FAT4: variants seen among roughly 807,000 people sequenced by gnomAD.
FAT4 encodes the protein FAT atypical cadherin 4.
FAT4 carries 84 observed loss-of-function variants against 303.9 expected under a neutral mutation model. The ratio of observed to expected loss-of-function variants is 0.28; its 90% CI spans 0.23 to 0.33. FAT4 has a LOEUF of 0.33. FAT4 is among the 10% of genes least tolerant of loss of function. The pLI is 1.00. For missense variants in FAT4, 6,005 were observed against 6,146.8 expected (o/e 0.98, Z 0.77); for synonymous variants, 2,307 against 2,298.8 (o/e 1.00, Z -0.10).
chr4:125,316,076 C>A lies in FAT4; in HGVS notation c.-13+99C>A, dbSNP rs1299537613. 6.6e-6 allele frequency among the ~76,000 whole-genome samples: 1 copy of A among 152,142 alleles called. No homozygotes were observed. The highest frequency in any genetic ancestry group is 1.5e-5 in the Non-Finnish European group (1 of 68,026). On this transcript the variant is annotated intron_variant, in intron 1 of 17. Coordinates refer to ENST00000394329, the MANE Select transcript of FAT4 (RefSeq NM_001291303.3). This position sits in a 1 kb window ranked among gnomAD's most constrained non-coding sequence, Gnocchi z 5.7. ...CAACTCTCATCCACCCGGGTGAAAA[C>A]GCTCAGACTATCTGGATTCAAAAAC...
chr4:125,405,439 G>T (rs572496621), intron 3 of FAT4, among the ~76,000 whole-genome samples: 11 of 151,780 alleles, frequency 7.2e-5, no homozygotes, highest in African/African-American at 2.4e-4. Flanking sequence ...CAGGTGTGAG[G>T]TGATTTCTCA....
intron 11 of FAT4, among the ~76,000 whole-genome samples, chr4:125,466,912 C>A (rs1726682965): frequency 6.6e-6 from 1 of 151,796 alleles, no homozygotes; most frequent in South Asian, 2.1e-4. Flanking sequence ...GTAGCTGTGA[C>A]TGCAGGTGCC....
intron 8 of FAT4, among the ~76,000 whole-genome samples, chr4:125,442,965 A>C (rs1725708765): frequency 1.3e-5 from 2 of 151,884 alleles, no homozygotes; most frequent in Admixed American, 1.3e-4. Context: ...GTAAAATATG[A>C]CCTCCACTTT....
chr4:125,442,690 A>G (rs1175181908), intron 8 of FAT4, among the ~76,000 whole-genome samples: 1 of 152,104 alleles, frequency 6.6e-6, no homozygotes, highest in African/African-American at 2.4e-5. Flanking sequence ...CATCCCCTAG[A>G]TCTCTCATTA....
chr4:125,449,161 T>C lies in FAT4; in HGVS notation c.8151T>C (p.Ser2717=), dbSNP rs1007419187. 1.2e-6 allele frequency: 2 copies of C among 1,613,968 alleles called. No individual in the cohort carries two copies. Among genetic ancestry groups the C allele is most frequent in the Non-Finnish European group, 1.7e-6 (2 of 1,179,874 alleles). The stretch of plus-strand genomic sequence containing the variant: ...TTGTTAATGGCAACATGGAAAATAG[T>C]TTCAGTATCAATCATGCTACTGGTG... ...YEIVNGNMEN[S]FSINHATGEI... is the part of the protein sequence containing the mutation. The change falls in exon 10 of 18, where the codon AGT becomes AGC. Residue 2717 remains serine, a synonymous_variant. Transcript: ENST00000394329.
rs1467980403 is a variant in FAT4 at position 125,452,020 on chromosome 4, G to A, written c.11010G>A (p.Leu3670=). Residue 3670 remains leucine (L), a synonymous_variant, in exon 10 of 18, where the codon CTG becomes CTA. Coordinates refer to ENST00000394329, the MANE Select transcript of FAT4 (RefSeq NM_001291303.3). ...LFSIPGGTCD[L]NSQPRSTDGT... The stretch of plus-strand genomic sequence containing the variant: ...GTATTCCAGGGGGTACTTGTGATCT[G>A]AATTCCCAGCCAAGGTCCACAGATG... 1 of 1,614,106 alleles carries A rather than the reference G, an allele frequency of 6.2e-7. No individual in the cohort carries two copies. The highest frequency in any genetic ancestry group is 8.5e-7 in the Non-Finnish European group (1 of 1,180,016).
intron 2 of FAT4, among the ~76,000 whole-genome samples, chr4:125,385,484 CTGTTT>C (rs1332810706): frequency 1.3e-5 from 2 of 152,086 alleles, no homozygotes; most frequent in Non-Finnish European, 2.9e-5. Context: ...GAAGTGTCAT[CTGTTT>C]TATTTTTCCA....
chr4:125,348,806 T>C (rs1184131808), intron 2 of FAT4, among the ~76,000 whole-genome samples: 1 of 151,652 alleles, frequency 6.6e-6, no homozygotes, highest in Non-Finnish European at 1.5e-5. Context: ...TATTATGAAA[T>C]TAAATTTAGG....
chr4:125,365,525 A>G lies in FAT4; in HGVS notation c.5176-33259A>G, dbSNP rs566743655. Among the ~76,000 whole-genome samples the G allele has an allele frequency of 1.5e-4, 23 of 152,082 alleles. 1 individual carries two copies. The highest frequency in any genetic ancestry group is 3.1e-4 in the Non-Finnish European group (21 of 68,004). On this transcript the variant is annotated intron_variant, in intron 2 of 17. Transcript: ENST00000394329. ...ATTCATACCACCATTTCTGTTTCCAATAGTCTAATTAGGTTCTTGTTATTT... is the reference window on the plus strand; with the variant it reads ...ATTCATACCACCATTTCTGTTTCCAGTAGTCTAATTAGGTTCTTGTTATTT...
intron 2 of FAT4, among the ~76,000 whole-genome samples, chr4:125,398,127 A>G (rs1056883118): frequency 9.2e-5 from 14 of 152,168 alleles, no homozygotes; most frequent in African/African-American, 3.4e-4. Context: ...GGAAGCAAAC[A>G]AATAACTCTG....
chr4:125,443,818 G>C (rs1161157497), intron 8 of FAT4, among the ~76,000 whole-genome samples: 3 of 152,232 alleles, frequency 2.0e-5, no homozygotes, highest in East Asian at 3.9e-4. Context: ...GATGAGAATA[G>C]AACCAAGCCT....
At chr4:125,434,461 T>G in intron 8 of FAT4, 36 bp downstream of exon 8, 1 of 1,590,166 alleles carries the variant, frequency 6.3e-7, no homozygotes, top group Non-Finnish European at 8.6e-7. Flanking sequence ...TTGTCTGTTT[T>G]CTCATTAAAC....
At chr4:125,331,736 T>G (rs796112524) in intron 2 of FAT4, among the ~76,000 whole-genome samples, 6 of 152,334 alleles carry the variant, frequency 3.9e-5, no homozygotes, top group African/African-American at 1.4e-4. Context: ...ACATAGAAAC[T>G]TTGAAAACAT....
intron 2 of FAT4, among the ~76,000 whole-genome samples, chr4:125,365,325 C>T (rs1239202636): frequency 6.6e-6 from 1 of 152,108 alleles, no homozygotes; most frequent in Non-Finnish European, 1.5e-5. Flanking sequence ...GTGTAGTATC[C>T]ATGAAAGTAG....
rs570741227 is a variant in FAT4 at position 125,489,446 on chromosome 4, G to A, written c.13085-455G>A. Among the ~76,000 whole-genome samples the A allele has an allele frequency of 7.9e-5, 12 of 152,192 alleles. No individual in the cohort carries two copies. The South Asian group carries it at 2.1e-3, about 26-fold the overall frequency. On this transcript the variant is annotated intron_variant, in intron 17 of 17. Transcript: ENST00000394329. ...CAAGAACCTATGTTCCACACCTTTG[G>A]TGTATTATCACCTTCAATGGGAATG...
chr4:125,349,752 C>T (rs1250056050), intron 2 of FAT4, among the ~76,000 whole-genome samples: 12 of 151,502 alleles, frequency 7.9e-5, no homozygotes, highest in Non-Finnish European at 1.5e-4. Context: ...ATCACATAAG[C>T]TAGATTCCCG....
intron 3 of FAT4, among the ~76,000 whole-genome samples, chr4:125,404,610 G>T (rs1197725623): frequency 6.6e-6 from 1 of 152,032 alleles, no homozygotes; most frequent in African/African-American, 2.4e-5. Context: ...CCTTTTAAAA[G>T]ATTTCTAAAT....
chr4:125,419,676 A>T (rs1735211739), intron 7 of FAT4, among the ~76,000 whole-genome samples: 2 of 152,156 alleles, frequency 1.3e-5, no homozygotes, highest in Non-Finnish European at 2.9e-5. Context: ...CTGTCCATTT[A>T]TCTGAACCCC....
intron 2 of FAT4, among the ~76,000 whole-genome samples, chr4:125,357,936 T>C (rs534979042): frequency 1.3e-5 from 2 of 152,256 alleles, no homozygotes; most frequent in South Asian, 4.1e-4. Context: ...AACTACTTCA[T>C]AGAGCTGTAA....
Sources: allele counts gnomAD v4.1 joint callset (sites outside exome capture counted in the v4.1 genomes callset), GRCh38; gene constraint gnomAD v4.1.1; non-coding constraint Gnocchi (gnomAD v3.1); transcripts MANE v1.5; gene names NCBI Gene and HGNC (gene_info 2026-07-23, HGNC 2026-07-21).